The following BRAT1 variants were observed in gnomAD, a reference collection of about 807,000 sequenced individuals.
BRAT1 encodes BRCA1 associated ATM activator 1, also known as integrator complex assembly factor BRAT1.
BRAT1 carries 74 observed loss-of-function variants against 70.6 expected under a neutral mutation model. The ratio of observed to expected loss-of-function variants is 1.05; its 90% CI spans 0.87 to 1.27. BRAT1 has a LOEUF of 1.27. Ranked by LOEUF, BRAT1 falls within the 50% of genes most tolerant of loss-of-function variation. The probability of loss-of-function intolerance (pLI) is 0.00; values close to 1 mark genes in which losing one functional copy is unlikely to be tolerated. For synonymous variants in BRAT1, 615 were observed against 517.1 expected, an observed-to-expected ratio of 1.19 and a Z score of -2.57; for missense variants, 1,203 against 1,098.2, an observed-to-expected ratio of 1.10 and a Z score of -1.35.
chr7:2,543,665 C>G lies in BRAT1; in HGVS notation c.728G>C (p.Arg243Pro). ...TEALWVRLSPRVACLLERDPI... is the reference protein window; with the variant it reads ...TEALWVRLSPPVACLLERDPI... ...GTCTCTCTCCAGCAGACAGGCCACG[C>G]GGGGACTCAGCCGCACCCACAGGGC... is the stretch of plus-strand genomic sequence containing the variant. The change falls in exon 5 of 14, where the codon CGC (arginine) becomes CCC (proline). Residue 243 changes from arginine to proline, a missense_variant. Coordinates refer to ENST00000340611, the MANE Select transcript of BRAT1 (RefSeq NM_152743.4). This position sits in a 1 kb window ranked among gnomAD's most constrained non-coding sequence, Gnocchi z 5.5. 1.3e-6 allele frequency: 2 copies of G among 1,559,012 alleles called. No homozygotes were observed. The highest frequency in any genetic ancestry group is 1.2e-5 in the South Asian group (1 of 83,968).
chr7:2,541,616 A>G (rs1344238502), intron 8 of BRAT1, 102 bp downstream of exon 8: 2 of 1,460,010 alleles, frequency 1.4e-6, no homozygotes, highest in Non-Finnish European at 1.8e-6. Flanking sequence ...GCGTGGATGC[A>G]AGGGTGCTGG....
intron 2 of BRAT1, among the ~76,000 whole-genome samples, chr7:2,553,911 T>C (rs1211437148): frequency 6.6e-6 from 1 of 151,818 alleles, no homozygotes; most frequent in Non-Finnish European, 1.5e-5. Context: ...CCTCCCAAAG[T>C]GCTGGGATTA....
At chr7:2,546,121 G>C (rs1028367174) in intron 3 of BRAT1, among the ~76,000 whole-genome samples, 2 of 152,236 alleles carry the variant, frequency 1.3e-5, no homozygotes, top group Non-Finnish European at 2.9e-5. Flanking sequence ...AGCTCTGGGA[G>C]GCTCTCGAGC....
intron 3 of BRAT1, among the ~76,000 whole-genome samples, chr7:2,545,428 G>A (rs1012661406): frequency 3.4e-5 from 5 of 147,680 alleles, no homozygotes; most frequent in Admixed American, 3.4e-4. Flanking sequence ...GGGATGTGGA[G>A]CAAAGCAGAG....
At position 2,541,587 on chromosome 7, in the gene BRAT1, G is replaced by C. The variant is rs1182142598; in HGVS notation, c.1135-103C>G. Reference sequence around the variant, plus strand: ...ATGTGGGGCGGGGGACATCAGCCAAGGTTGTGGTCCCACTGCTGGCGTGGA... The same window carrying C: ...ATGTGGGGCGGGGGACATCAGCCAACGTTGTGGTCCCACTGCTGGCGTGGA... On this transcript the variant is annotated intron_variant, in intron 8 of 13. Transcript: ENST00000340611. 1.6e-5 allele frequency: 23 copies of C among 1,459,360 alleles called. No individual in the cohort carries two copies. In the East Asian group the frequency reaches 5.5e-4, roughly 35 times the overall value. The allele number at this position is 1,459,360 out of a possible 1,614,324, so 90.4% of individuals were successfully genotyped here. A position where few individuals can be genotyped will look rare whatever the true frequency, so the allele number is the denominator to read the frequency against.
In BRAT1 at chr7:2,541,389, A is replaced by G. The variant is rs1583301772; in HGVS notation, c.1230T>C (p.Ser410=). Residue 410 remains serine (S), a synonymous_variant, in exon 9 of 14, where the codon AGT becomes AGC. Transcript: ENST00000340611. The stretch of plus-strand genomic sequence containing the variant: ...GGGTCCCACAGAGGTGGCCCCCCAC[A>G]CTGGAGGCAGGGGCAGCCGAGCCGT... The part of the protein sequence containing the change: ...LCDGSAAPAS[S]VGGHLCGTLA... The G allele has an allele frequency of 3.7e-6, 6 of 1,606,300 alleles. No homozygotes were observed. In the South Asian group the frequency reaches 6.6e-5, roughly 18 times the overall value.
rs150359205 is a variant in BRAT1, at chr7:2,543,579, G to A, written c.803+11C>T. 1.1e-3 allele frequency: 1,596 copies of A among 1,504,806 alleles called. 13 individuals carry two copies. The African/African-American group carries it at 0.018, about 17-fold the overall frequency. 93.2% of individuals were successfully genotyped at this position (1,504,806 alleles called of 1,614,324 possible). A position where few individuals can be genotyped will look rare whatever the true frequency, so the allele number is the denominator to read the frequency against. ...CACCCAGGCCCCCCAGCTGCGTCCC[G>A]GGGCCCTGACCGAGCCACACAGAGA... On this transcript the variant is annotated intron_variant, in intron 5 of 13. Transcript: ENST00000340611. This position sits in a 1 kb window ranked among gnomAD's most constrained non-coding sequence, Gnocchi z 5.5.
At chr7:2,547,687 C>T (rs780513018) in intron 2 of BRAT1, among the ~76,000 whole-genome samples, 1 of 152,218 alleles carries the variant, frequency 6.6e-6, no homozygotes, top group Non-Finnish European at 1.5e-5. Flanking sequence ...ACCTTAACAA[C>T]AGGTGAAAGG....
intron 10 of BRAT1, chr7:2,540,668 A>G (rs1054164248): frequency 3.1e-6 from 1 of 326,454 alleles, no homozygotes; most frequent in Non-Finnish European, 5.6e-6. Context: ...AGGAGAACCC[A>G]AAGCCCACGC....
intron 2 of BRAT1, among the ~76,000 whole-genome samples, chr7:2,548,870 CAGG>C (rs1779800767): frequency 1.3e-5 from 2 of 151,802 alleles, no homozygotes; most frequent in Admixed American, 1.3e-4. Context: ...GAGGCTGAGG[CAGG>C]AGAACTGCTT....
At position 2,541,289 on chromosome 7, in the gene BRAT1, C is replaced by A; in HGVS notation, c.1321+9G>T. The A allele has an allele frequency of 1.3e-6, 2 of 1,574,262 alleles. No individual in the cohort carries two copies. The highest frequency in any genetic ancestry group is 1.1e-5 in the South Asian group (1 of 87,280). On this transcript the variant is annotated intron_variant, in intron 9 of 13. Transcript: ENST00000340611. ...AGCCCCACGCCAAAGCCGTACAGAA[C>A]ACACTCACCTGTCCCCTGTGACAGC...
At chr7:2,552,572 T>A (rs954305603) in intron 2 of BRAT1, among the ~76,000 whole-genome samples, 25 of 148,682 alleles carry the variant, frequency 1.7e-4, no homozygotes, top group Middle Eastern at 6.9e-3. Flanking sequence ...AAAAAAAAAA[T>A]ACAATATAAT....
At position 2,541,899 on chromosome 7, in the gene BRAT1, C is replaced by T. The variant is rs1416611277; in HGVS notation, c.1016-63G>A. The stretch of plus-strand genomic sequence containing the variant: ...CTTCAGCCTCCCCACGGTCACCAGC[C>T]ACCCCACGGTCACCACCCACAGCAC... On this transcript the variant is annotated intron_variant, in intron 7 of 13. Transcript: ENST00000340611. The T allele has an allele frequency of 8.4e-6, 13 of 1,547,320 alleles. No homozygotes were observed. In the Admixed American group the frequency reaches 2.0e-4, roughly 24 times the overall value.
chr7:2,538,318 G>A lies in BRAT1; in HGVS notation c.2217C>T (p.Ala739=). ...CGGAGGCAGTGTTGGGGCTGCCCCT[G>A]GCCTCCCGCAGGCTGCTGTAGGAAG... The part of the protein sequence containing the change: ...KIASYSSLRE[A]RGSPNTASAE... The change falls in exon 14 of 14, where the codon GCC becomes GCT. Residue 739 remains alanine, a synonymous_variant. Transcript: ENST00000340611. The A allele has an allele frequency of 6.2e-7, 1 of 1,613,026 alleles. No individual in the cohort carries two copies. The highest frequency in any genetic ancestry group is 8.5e-7 in the Non-Finnish European group (1 of 1,179,904).
Position 2,543,985 on chromosome 7 carries a change from G to A in BRAT1, c.431-23C>T, listed in dbSNP as rs1322481033. The A allele has an allele frequency of 2.0e-6, 3 of 1,529,964 alleles. No homozygotes were observed. The highest frequency in any genetic ancestry group is 1.8e-6 in the Non-Finnish European group (2 of 1,132,564). 94.8% of individuals were successfully genotyped at this position (1,529,964 alleles called of 1,614,324 possible). The stretch of plus-strand genomic sequence containing the variant: ...CACCTGGGTAGGGGATGGGGGAAGA[G>A]AGGGAAAAGGGGGTGAGCCAGAATA... On this transcript the variant is annotated intron_variant, in intron 4 of 13. Coordinates refer to ENST00000340611, the MANE Select transcript of BRAT1 (RefSeq NM_152743.4). The surrounding 1 kb of genome is among the most constrained non-coding windows in gnomAD (Gnocchi z 5.5).
chr7:2,544,081 CCT>C (rs2128397812), intron 4 of BRAT1, 119 bp from the exon 5 acceptor site: 1 of 824,758 alleles, frequency 1.2e-6, no homozygotes. Flanking sequence ...CCCCCAAATG[CCT>C]CTCCACTCAA....
intron 2 of BRAT1, among the ~76,000 whole-genome samples, chr7:2,550,481 C>CAAAAAAAAAAAAAAAAAAAAAAAAAAA (rs369777124): frequency 1.4e-4 from 8 of 57,582 alleles, no homozygotes; most frequent in South Asian, 5.9e-4. Flanking sequence ...AAAAAAAAAA[C>CAAAAAAAAAAAAAAAAAAAAAAAAAAA]AAAAAAAAAA....
chr7:2,543,158 C>A lies in BRAT1; in HGVS notation c.923+46G>T. 6.6e-7 allele frequency: 1 copy of A among 1,511,804 alleles called. No homozygotes were observed. The highest frequency in any genetic ancestry group is 8.9e-7 in the Non-Finnish European group (1 of 1,128,958). The allele number at this position is 1,511,804 out of a possible 1,614,324, so 93.6% of individuals were successfully genotyped here. ...GCGCTCTCAACCTCCCTGCCTGCCC[C>A]AGCTCCCAGCACCCGCCTCGGAATG... On this transcript the variant is annotated intron_variant, in intron 6 of 13. Transcript: ENST00000340611. This position sits in a 1 kb window ranked among gnomAD's most constrained non-coding sequence, Gnocchi z 5.5.
intron 4 of BRAT1, among the ~76,000 whole-genome samples, chr7:2,544,503 C>T (rs972653888): frequency 4.6e-5 from 7 of 152,068 alleles, no homozygotes; most frequent in Admixed American, 1.3e-4. Context: ...TGCCCAGCCT[C>T]GTTTCTTGTT....
Sources: gnomAD v4.1 joint callset for allele counts (sites outside exome capture counted in the v4.1 genomes callset) on GRCh38, gnomAD v4.1.1 for gene constraint, Gnocchi (gnomAD v3.1) non-coding constraint, MANE v1.5 for transcripts, NCBI Gene and HGNC (gene_info 2026-07-23, HGNC 2026-07-21) for gene names.